Variants in UNC13C observed in about 807,000 individuals in gnomAD.
UNC13C encodes protein unc-13 homolog C.
A neutral mutation model predicts 245.4 loss-of-function variants in UNC13C; 174 were observed. The observed-to-expected ratio is 0.71, with a 90% confidence interval of 0.63 to 0.80. The LOEUF (loss-of-function observed/expected upper bound fraction) is 0.80, where lower values mean the gene tolerates loss of function less well. UNC13C is among the 30% of genes least tolerant of loss of function. UNC13C has a pLI of 0.00. For synonymous variants in UNC13C, 992 were observed against 895.1 expected, an observed-to-expected ratio of 1.11 and a Z score of -1.93; for missense variants, 2,829 against 2,602.9, an observed-to-expected ratio of 1.09 and a Z score of -1.89.
At chr15:54,106,845 A>C (rs1177559623) in intron 2 of UNC13C, among the ~76,000 whole-genome samples, 2 of 152,244 alleles carry the variant, frequency 1.3e-5, no homozygotes, top group Non-Finnish European at 2.9e-5. Context: ...GCTGGTAGTG[A>C]GGCAAGGAAG....
chr15:54,612,265 C>G (rs902317332), intron 30 of UNC13C, among the ~76,000 whole-genome samples: 1 of 130,870 alleles, frequency 7.6e-6, no homozygotes, highest in Non-Finnish European at 1.6e-5. Context: ...AAAATATATG[C>G]TAATGTGATA....
Position 54,053,544 on chromosome 15 carries a change from C to T in UNC13C, c.2983+37658C>T, listed in dbSNP as rs371188065. On this transcript the variant is annotated intron_variant, in intron 2 of 32. Coordinates refer to ENST00000260323, the MANE Select transcript of UNC13C (RefSeq NM_001080534.3). ...ATACATATATTTATGGGGTACATGG[C>T]ATATTTTGATACAGACATACGATGT... is the stretch of plus-strand genomic sequence containing the variant. Among the ~76,000 whole-genome samples the T allele has an allele frequency of 5.3e-5, 8 of 152,048 alleles. No individual in the cohort carries two copies. In the East Asian group the frequency reaches 9.6e-4, roughly 18 times the overall value.
chr15:54,104,205 T>C (rs546567980), intron 2 of UNC13C, among the ~76,000 whole-genome samples: 71 of 152,348 alleles, frequency 4.7e-4, no homozygotes, highest in African/African-American at 1.7e-3. Context: ...ATTCTAGGAA[T>C]TCCCTTCATT....
At position 54,013,998 on chromosome 15, in the gene UNC13C, C is replaced by T. The variant is rs761330616; in HGVS notation, c.1095C>T (p.His365=). Residue 365 remains histidine (H), a synonymous_variant, in exon 2 of 33, where the codon CAC becomes CAT. Coordinates refer to ENST00000260323, the MANE Select transcript of UNC13C (RefSeq NM_001080534.3). ...IKIEFAQRIG[H]QRDCPNAKPR... ...TTGAATTTGCTCAGAGGATAGGACA[C>T]CAGAGAGACTGCCCAAATGCAAAGC... 6.2e-7 allele frequency: 1 copy of T among 1,613,696 alleles called. No individual in the cohort carries two copies. The highest frequency in any genetic ancestry group is 1.1e-5 in the South Asian group (1 of 91,066).
the UNC13C span, among the ~76,000 whole-genome samples, chr15:53,897,433 C>T: frequency 4.1e-4 from 63 of 152,292 alleles, no homozygotes; most frequent in Non-Finnish European, 7.6e-4. Flanking sequence ...TTTATACATA[C>T]ATTTATTTTA....
intron 8 of UNC13C, among the ~76,000 whole-genome samples, chr15:54,257,988 G>A (rs968574565): frequency 2.6e-5 from 4 of 152,206 alleles, no homozygotes; most frequent in African/African-American, 4.8e-5. Flanking sequence ...TGTTTTTACT[G>A]GGAAATAAAA....
intron 30 of UNC13C, among the ~76,000 whole-genome samples, chr15:54,578,571 C>A (rs1898061788): frequency 6.6e-6 from 1 of 152,176 alleles, no homozygotes; most frequent in Admixed American, 6.5e-5. Context: ...AAGCACTTGA[C>A]ATTTGTTTAC....
intron 4 of UNC13C, among the ~76,000 whole-genome samples, chr15:54,229,837 A>T (rs936838193): frequency 1.3e-5 from 2 of 152,088 alleles, no homozygotes; most frequent in African/African-American, 4.8e-5. Context: ...TTCTGAGATC[A>T]ACATTTTTAG....
intron 23 of UNC13C, among the ~76,000 whole-genome samples, chr15:54,509,895 C>T (rs1894658100): frequency 6.6e-6 from 1 of 152,134 alleles, no homozygotes; most frequent in Non-Finnish European, 1.5e-5. Context: ...ATTTTTGTTT[C>T]CCTCCGGATA....
At chr15:54,218,377 C>A (rs1168824532) in intron 4 of UNC13C, among the ~76,000 whole-genome samples, 1 of 151,916 alleles carries the variant, frequency 6.6e-6, no homozygotes, top group Non-Finnish European at 1.5e-5. Context: ...GGAGGAGATA[C>A]TTATGGATCA....
At chr15:54,557,922 A>C (rs1344536989) in intron 29 of UNC13C, among the ~76,000 whole-genome samples, 1 of 152,110 alleles carries the variant, frequency 6.6e-6, no homozygotes, top group South Asian at 2.1e-4. Flanking sequence ...CTATGCAGCC[A>C]TAAAAAATGA....
At chr15:53,898,411 T>TACAC in the UNC13C span, among the ~76,000 whole-genome samples, 15 of 150,928 alleles carry the variant, frequency 9.9e-5, no homozygotes, top group Non-Finnish European at 1.5e-4. Flanking sequence ...TCCAGACACA[T>TACAC]ACACACACAC....
the UNC13C span, among the ~76,000 whole-genome samples, chr15:53,851,243 A>T: frequency 2.0e-5 from 3 of 151,772 alleles, no homozygotes; most frequent in African/African-American, 7.3e-5. Flanking sequence ...TAAATTTTCC[A>T]TTTCTGAATG....
chr15:54,607,208 T>C (rs943773671), intron 30 of UNC13C, among the ~76,000 whole-genome samples: 7 of 152,190 alleles, frequency 4.6e-5, no homozygotes, highest in Admixed American at 1.3e-4. Context: ...TACCAAATAG[T>C]TGAAGAGTAG....
At chr15:54,382,497 G>A (rs1470840381) in intron 17 of UNC13C, among the ~76,000 whole-genome samples, 2 of 151,970 alleles carry the variant, frequency 1.3e-5, no homozygotes, top group Non-Finnish European at 2.9e-5. Flanking sequence ...GCTGAGGTGG[G>A]ACCCAGAAAG....
chr15:53,941,061 CA>C, the UNC13C span, among the ~76,000 whole-genome samples: 34,452 of 91,304 alleles, frequency 0.38, 3,957 homozygotes, highest in Middle Eastern at 0.47. Context: ...AACTATACTA[CA>C]AGGCTACAGT....
At chr15:54,194,779 A>G (rs1403291537) in intron 4 of UNC13C, among the ~76,000 whole-genome samples, 1 of 152,274 alleles carries the variant, frequency 6.6e-6, no homozygotes, top group Admixed American at 6.6e-5. Context: ...AGACAGGTCT[A>G]CACAGACACA....
intron 25 of UNC13C, among the ~76,000 whole-genome samples, chr15:54,526,952 A>G (rs189447104): frequency 3.9e-5 from 6 of 152,192 alleles, no homozygotes; most frequent in East Asian, 3.9e-4. Context: ...GTGAAGAATA[A>G]TCTCCCACTT....
intron 7 of UNC13C, among the ~76,000 whole-genome samples, chr15:54,246,290 C>T (rs1450155325): frequency 6.6e-6 from 1 of 152,074 alleles, no homozygotes; most frequent in Non-Finnish European, 1.5e-5. Flanking sequence ...GTTGTGCTTG[C>T]CTACAAAGGC....
Sources: allele counts gnomAD v4.1 joint callset (sites outside exome capture counted in the v4.1 genomes callset), GRCh38; gene constraint gnomAD v4.1.1; transcripts MANE v1.5; gene names NCBI Gene and HGNC (gene_info 2026-07-23, HGNC 2026-07-21).